HDAC4: variants seen among roughly 807,000 people sequenced by gnomAD.
The protein encoded by HDAC4 is histone deacetylase 4, also known as histone deacetylase A.
In HDAC4, 16 loss-of-function variants were observed where a neutral mutation model predicts 135.1. The ratio of observed to expected loss-of-function variants is 0.12; its 90% CI spans 0.08 to 0.18. The LOEUF is 0.18. HDAC4 is among the 10% of genes least tolerant of loss of function. The pLI is 1.00. For missense variants in HDAC4, 1,143 were observed against 1,511.8 expected (o/e 0.76, Z 4.05); for synonymous variants, 685 against 653.4 (o/e 1.05, Z -0.74).
rs980606637 is a variant in HDAC4 at position 239,204,844 on chromosome 2, C to T, written c.95-14767G>A. Among the ~76,000 whole-genome samples, 9 of 152,354 alleles carry T rather than the reference C, an allele frequency of 5.9e-5. 1 individual carries two copies. The highest frequency in any genetic ancestry group is 1.2e-4 in the African/African-American group (5 of 41,572). On this transcript the variant is annotated intron_variant, in intron 3 of 26. Transcript: ENST00000543185. ...ACCACGGAGGGGCCTCTGATGGCCC[C>T]TTCCTCTGTTTTCAGACACCAAAGC...
At chr2:239,391,315 C>G (rs183904495) in intron 1 of HDAC4, among the ~76,000 whole-genome samples, 1 of 152,190 alleles carries the variant, frequency 6.6e-6, no homozygotes, top group African/African-American at 2.4e-5. Context: ...CAAAGGCAGA[C>G]GAGAGCTTGT....
At chr2:239,089,706 T>C (rs2036317199) in intron 18 of HDAC4, 2 of 375,774 alleles carry the variant, frequency 5.3e-6, no homozygotes, top group Admixed American at 8.7e-5. Flanking sequence ...ATATAACTCA[T>C]GTAAACAGAA....
chr2:239,137,551 A>G (rs1047132256), intron 9 of HDAC4, among the ~76,000 whole-genome samples: 16 of 152,152 alleles, frequency 1.1e-4, no homozygotes, highest in African/African-American at 3.9e-4. Context: ...GGGGCCTTCA[A>G]GGTACAGTAG....
At chr2:239,264,662 G>A (rs561263488) in intron 2 of HDAC4, among the ~76,000 whole-genome samples, 2 of 152,296 alleles carry the variant, frequency 1.3e-5, no homozygotes, top group African/African-American at 2.4e-5. Flanking sequence ...TGCAACAGTC[G>A]AAGAATAGAT....
At chr2:239,311,739 C>T (rs747210452) in intron 2 of HDAC4, among the ~76,000 whole-genome samples, 2 of 152,200 alleles carry the variant, frequency 1.3e-5, no homozygotes, top group African/African-American at 2.4e-5. Flanking sequence ...CATTCTGACA[C>T]GAAGCTCCCG....
rs2043778697 is a variant in HDAC4, at chr2:239,176,446, G to GCAGCTTCTGCTCCCGGTGCTGCTTCTC, written c.430_456dup (p.Glu144_Leu152dup). 1 of 1,612,944 alleles carries GCAGCTTCTGCTCCCGGTGCTGCTTCTC rather than the reference G, an allele frequency of 6.2e-7. No individual in the cohort carries two copies. The highest frequency in any genetic ancestry group is 1.7e-5 in the Admixed American group (1 of 59,982). ...CCCTTCTCCTTGTTCTTGAGCTGCT[G>GCAGCTTCTGCTCCCGGTGCTGCTTCTC]CAGCTTCTGCTCCCGGTGCTGCTTC... On this transcript the variant is annotated inframe_insertion, in exon 5 of 27. Transcript: ENST00000543185.
rs118164320 is a variant in HDAC4, at chr2:239,331,623, C to T, written c.22+21055G>A. On this transcript the variant is annotated intron_variant, in intron 2 of 26. Coordinates refer to ENST00000543185, the MANE Select transcript of HDAC4 (RefSeq NM_001378414.1). This position sits in a 1 kb window ranked among gnomAD's most constrained non-coding sequence, Gnocchi z 4.5. The stretch of plus-strand genomic sequence containing the variant: ...GCCAGGTGAGCGAACTGCAATGACA[C>T]GTCGCCAGGGCTGCACTGGACCCAC... Among the ~76,000 whole-genome samples, 2 of 152,298 alleles carry T rather than the reference C, an allele frequency of 1.3e-5. No individual in the cohort carries two copies. The highest frequency in any genetic ancestry group is 1.9e-4 in the East Asian group (1 of 5,182).
chr2:239,261,929 G>A (rs1397570257), intron 2 of HDAC4, among the ~76,000 whole-genome samples: 1 of 152,202 alleles, frequency 6.6e-6, no homozygotes, highest in Non-Finnish European at 1.5e-5. Context: ...ATGTCGGAGG[G>A]TCCTCGGGTT....
chr2:239,399,025 G>A (rs190524046), intron 1 of HDAC4, among the ~76,000 whole-genome samples: 180 of 152,358 alleles, frequency 1.2e-3, no homozygotes, highest in Admixed American at 4.1e-3. Context: ...CAATGTGTTG[G>A]GGTGTGTGTT....
intron 20 of HDAC4, among the ~76,000 whole-genome samples, chr2:239,083,618 T>C (rs1262767728): frequency 6.6e-6 from 1 of 152,220 alleles, no homozygotes; most frequent in Non-Finnish European, 1.5e-5. Context: ...ATTTCCGGTA[T>C]AAGAATGAGT....
rs766000387 is a variant in HDAC4 at position 239,053,479 on chromosome 2, C to T, written c.3211G>A (p.Val1071Met). The T allele has an allele frequency of 1.5e-5, 24 of 1,613,218 alleles. 1 individual carries two copies. Among genetic ancestry groups the T allele is most frequent in the South Asian group, 1.3e-4 (12 of 91,050 alleles). Reference protein sequence around the residue: ...VTAMASLSVGVKPAEKRPDEE... With the variant: ...VTAMASLSVGMKPAEKRPDEE... The stretch of plus-strand genomic sequence containing the variant: ...GCTCACCTCTTTTCGGCGGGCTTCA[C>T]GCCCACGGACAGCGAGGCCATGGCG... The change falls in exon 26 of 27, where the codon GTG becomes ATG. Residue 1071 changes from valine to methionine, a missense_variant. By Grantham distance (21) the Val-to-Met change is conservative (BLOSUM62 1). Transcript: ENST00000543185.
chr2:239,357,481 A>C (rs1443775541), intron 1 of HDAC4, among the ~76,000 whole-genome samples: 3 of 152,046 alleles, frequency 2.0e-5, no homozygotes, highest in African/African-American at 7.2e-5. Context: ...AGAAGACAAC[A>C]GAACAGAGAA....
In HDAC4 at chr2:239,070,877, G is replaced by A. The variant is rs774354774; in HGVS notation, c.2751-2270C>T. Among the ~76,000 whole-genome samples the A allele has an allele frequency of 3.6e-4, 54 of 151,240 alleles. 2 individuals are homozygous for A. The highest frequency in any genetic ancestry group is 5.6e-4 in the Non-Finnish European group (38 of 67,926). ...TGACCGCAGCCATTTAGTCCCTCCC[G>A]AAAGGACTGAGTGTCCTGGGAATCT... On this transcript the variant is annotated intron_variant, in intron 22 of 26. Transcript: ENST00000543185.
At chr2:239,345,838 T>A (rs369766709) in intron 2 of HDAC4, among the ~76,000 whole-genome samples, 13 of 126,830 alleles carry the variant, frequency 1.0e-4, no homozygotes, top group African/African-American at 2.4e-4. Flanking sequence ...CACCCCCGTC[T>A]CACACACATG....
At chr2:239,075,650 G>A (rs138860201) in intron 22 of HDAC4, among the ~76,000 whole-genome samples, 2,807 of 152,354 alleles carry the variant, frequency 0.018, 35 homozygotes, top group Middle Eastern at 0.061. Flanking sequence ...GGGAGGTCCC[G>A]TGTGAAGCCG....
chr2:239,289,546 G>A (rs191136388), intron 2 of HDAC4, among the ~76,000 whole-genome samples: 18 of 152,228 alleles, frequency 1.2e-4, no homozygotes, highest in Admixed American at 1.0e-3. Context: ...CCCAGCACCA[G>A]GCCAATAAAG....
In HDAC4 at chr2:239,400,728, CG is replaced by C. The variant is rs1465652811; in HGVS notation, c.-220+249del. ...GCGGCGGCCGGCTCTAGCCCTGCTC[CG>C]GCGCTCCGCGCCGCATCTCCTCAGC... On this transcript the variant is annotated intron_variant, in intron 1 of 26. Coordinates refer to ENST00000543185, the MANE Select transcript of HDAC4 (RefSeq NM_001378414.1). This position sits in a 1 kb window ranked among gnomAD's most constrained non-coding sequence, Gnocchi z 4.7. The C allele has an allele frequency of 6.9e-6, 1 of 145,414 alleles. No individual in the cohort carries two copies. The highest frequency in any genetic ancestry group is 1.5e-5 in the Non-Finnish European group (1 of 65,432). 9.0% of individuals were successfully genotyped at this position (145,414 alleles called of 1,614,324 possible). A position where few individuals can be genotyped will look rare whatever the true frequency, so the allele number is the denominator to read the frequency against.
chr2:239,242,129 A>G (rs1268910889), intron 2 of HDAC4, among the ~76,000 whole-genome samples: 1 of 151,260 alleles, frequency 6.6e-6, no homozygotes, highest in Non-Finnish European at 1.5e-5. Context: ...AGAAAGAAGG[A>G]GAAAGAGAAA....
rs542902898 is a variant in HDAC4, at chr2:239,334,179, C to T, written c.22+18499G>A. ...TTCTAAACATTACAAAAATAAAATT[C>T]CCCCAACAAAACAGCATAACCTAGA... On this transcript the variant is annotated intron_variant, in intron 2 of 26. Coordinates refer to ENST00000543185, the MANE Select transcript of HDAC4 (RefSeq NM_001378414.1). Among the ~76,000 whole-genome samples the T allele has an allele frequency of 7.2e-5, 11 of 152,144 alleles. No homozygotes were observed. The South Asian group carries it at 2.1e-3, about 29-fold the overall frequency.
Sources: gnomAD v4.1 joint callset for allele counts (sites outside exome capture counted in the v4.1 genomes callset) on GRCh38, gnomAD v4.1.1 for gene constraint, Gnocchi (gnomAD v3.1) non-coding constraint, MANE v1.5 for transcripts, NCBI Gene and HGNC (gene_info 2026-07-23, HGNC 2026-07-21) for gene names.